Variants in OPRM1 observed in about 807,000 individuals in gnomAD.
The protein encoded by OPRM1 is mu-type opioid receptor.
OPRM1 carries 27 observed loss-of-function variants against 31.8 expected under a neutral mutation model. That is an observed-to-expected ratio of 0.85 (90% CI 0.63 to 1.17). The LOEUF is 1.17. Ranked by LOEUF, OPRM1 falls within the 50% of genes most tolerant of loss-of-function variation. OPRM1 has a pLI of 0.00. For synonymous variants in OPRM1, 196 were observed against 189.9 expected, an observed-to-expected ratio of 1.03 and a Z score of -0.26; for missense variants, 536 against 511.1, an observed-to-expected ratio of 1.05 and a Z score of -0.47.
At chr6:154,065,570 G>T (rs1785231104) in intron 1 of OPRM1, among the ~76,000 whole-genome samples, 1 of 152,068 alleles carries the variant, frequency 6.6e-6, no homozygotes, top group Non-Finnish European at 1.5e-5. Flanking sequence ...ATTGTTCATT[G>T]TGAATGTATA....
At chr6:154,146,838 G>A (rs1375952014) in intron 3 of OPRM1, among the ~76,000 whole-genome samples, 1 of 152,154 alleles carries the variant, frequency 6.6e-6, no homozygotes, top group Non-Finnish European at 1.5e-5. Context: ...GCCAGAGATG[G>A]GGATTTTTGT....
chr6:154,068,509 T>G (rs1233013762), intron 1 of OPRM1, among the ~76,000 whole-genome samples: 1 of 152,180 alleles, frequency 6.6e-6, no homozygotes, highest in Non-Finnish European at 1.5e-5. Flanking sequence ...TCCTCCAGGT[T>G]GACCCACGGT....
intron 1 of OPRM1, among the ~76,000 whole-genome samples, chr6:154,088,271 T>C (rs1364089292): frequency 2.0e-5 from 3 of 152,190 alleles, no homozygotes; most frequent in Non-Finnish European, 4.4e-5. Context: ...AACTAATCTA[T>C]AAGAACAGAA....
At chr6:154,139,952 G>GA (rs989487412) in intron 3 of OPRM1, among the ~76,000 whole-genome samples, 3 of 152,260 alleles carry the variant, frequency 2.0e-5, no homozygotes, top group Non-Finnish European at 2.9e-5. Flanking sequence ...GAACAAAAAA[G>GA]AAAAATCACA....
intron 3 of OPRM1, among the ~76,000 whole-genome samples, chr6:154,152,822 T>C (rs1376120396): frequency 6.6e-6 from 1 of 151,986 alleles, no homozygotes; most frequent in African/African-American, 2.4e-5. Context: ...CCCGAACTCC[T>C]GGGCTCAAAG....
intron 3 of OPRM1, among the ~76,000 whole-genome samples, chr6:154,093,787 TAAATC>T (rs1792860334): frequency 6.6e-6 from 1 of 152,174 alleles, no homozygotes; most frequent in Admixed American, 6.5e-5. Flanking sequence ...AAAATTAAGA[TAAATC>T]AAAGCTCCCT....
chr6:154,116,313 G>A (rs1266666061), intron 3 of OPRM1, among the ~76,000 whole-genome samples: 4 of 152,014 alleles, frequency 2.6e-5, no homozygotes, highest in East Asian at 1.9e-4. Context: ...TCAGTTGGGC[G>A]TGGTGCCTCA....
chr6:154,187,983 T>C (rs891494099), intron 3 of OPRM1, among the ~76,000 whole-genome samples: 1 of 152,198 alleles, frequency 6.6e-6, no homozygotes, highest in Non-Finnish European at 1.5e-5. Context: ...AAAATGCCCA[T>C]GATTGCCATT....
intron 1 of OPRM1, among the ~76,000 whole-genome samples, chr6:154,078,725 A>G (rs944092142): frequency 6.6e-6 from 1 of 152,036 alleles, no homozygotes; most frequent in African/African-American, 2.4e-5. Flanking sequence ...AAAAAATACA[A>G]AAGATTAGCC....
chr6:154,237,526 A>G (rs781651938), intron 3 of OPRM1, among the ~76,000 whole-genome samples: 1 of 152,244 alleles, frequency 6.6e-6, no homozygotes, highest in Non-Finnish European at 1.5e-5. Context: ...TTGTTTGTAT[A>G]CATTCCTTTG....
upstream of OPRM1, chr6:154,038,976 A>G (rs946446769): frequency 1.9e-5 from 12 of 617,324 alleles, no homozygotes; most frequent in East Asian, 3.6e-4. Flanking sequence ...GGCAGTAGGG[A>G]TGGAAGAGCA....
intron 1 of OPRM1, among the ~76,000 whole-genome samples, chr6:154,028,343 T>C (rs927435515): frequency 6.6e-6 from 1 of 152,104 alleles, no homozygotes. Flanking sequence ...GTGGCTGAGA[T>C]TCAAGATGCA....
intron 3 of OPRM1, among the ~76,000 whole-genome samples, chr6:154,186,692 G>T (rs1339963500): frequency 6.6e-6 from 1 of 152,076 alleles, no homozygotes; most frequent in Non-Finnish European, 1.5e-5. Flanking sequence ...GAGTAGCTGG[G>T]ACTACAGGCG....
intron 3 of OPRM1, among the ~76,000 whole-genome samples, chr6:154,231,579 T>C (rs184178420): frequency 6.6e-6 from 1 of 152,372 alleles, no homozygotes; most frequent in African/African-American, 2.4e-5. Flanking sequence ...GAGCAATCTC[T>C]AGGACATAGT....
intron 3 of OPRM1, among the ~76,000 whole-genome samples, chr6:154,106,526 A>G (rs796351254): frequency 1.2e-4 from 19 of 152,314 alleles, no homozygotes; most frequent in African/African-American, 3.6e-4. Flanking sequence ...GAGTCCTTAC[A>G]ACCTTTGAAT....
intron 3 of OPRM1, among the ~76,000 whole-genome samples, chr6:154,142,916 C>A (rs1798258609): frequency 1.3e-5 from 2 of 152,134 alleles, no homozygotes; most frequent in African/African-American, 4.8e-5. Flanking sequence ...TGAGGTTCCC[C>A]CAATTCCATC....
chr6:154,121,531 A>T lies in OPRM1; in HGVS notation c.*2810A>T, dbSNP rs1797298626. 6.6e-6 allele frequency among the ~76,000 whole-genome samples: 1 copy of T among 152,230 alleles called. No homozygotes were observed. The highest frequency in any genetic ancestry group is 2.1e-4 in the South Asian group (1 of 4,832). On this transcript the variant is annotated 3_prime_UTR_variant, in exon 4 of 4. Coordinates refer to ENST00000330432, the MANE Select transcript of OPRM1 (RefSeq NM_000914.5). ...CCTCTTCTAAGACACGGCTATGAGTAGGTAAGAGAGCATTCATTCCCTTCA... is the reference window on the plus strand; with the variant it reads ...CCTCTTCTAAGACACGGCTATGAGTTGGTAAGAGAGCATTCATTCCCTTCA...
At chr6:154,142,999 A>G in intron 3 of OPRM1, among the ~76,000 whole-genome samples, 1 of 152,198 alleles carries the variant, frequency 6.6e-6, no homozygotes, top group Non-Finnish European at 1.5e-5. Context: ...TTCCATACCA[A>G]TCAGAGAGTA....
chr6:154,141,368 C>G (rs1798204874), intron 3 of OPRM1, among the ~76,000 whole-genome samples: 1 of 152,190 alleles, frequency 6.6e-6, no homozygotes, highest in Non-Finnish European at 1.5e-5. Flanking sequence ...CCAGTCTTTT[C>G]CATTAATTTT....
Sources: gnomAD v4.1 joint callset for allele counts (sites outside exome capture counted in the v4.1 genomes callset) on GRCh38, gnomAD v4.1.1 for gene constraint, MANE v1.5 for transcripts, NCBI Gene and HGNC (gene_info 2026-07-23, HGNC 2026-07-21) for gene names.